The following PTPRJ variants were observed in gnomAD, a reference collection of about 807,000 sequenced individuals.
PTPRJ encodes the protein protein tyrosine phosphatase receptor type J.
A neutral mutation model predicts 141.3 loss-of-function variants in PTPRJ; 129 were observed. That is an observed-to-expected ratio of 0.91 (90% CI 0.79 to 1.06). The LOEUF (loss-of-function observed/expected upper bound fraction) is 1.06, where lower values mean the gene tolerates loss of function less well. PTPRJ is among the 50% of genes least tolerant of loss of function. The probability of loss-of-function intolerance (pLI) is 0.00; values close to 1 mark genes in which losing one functional copy is unlikely to be tolerated. For synonymous variants in PTPRJ, 610 were observed against 640.5 expected (o/e 0.95, Z 0.72); for missense variants, 1,601 against 1,679.7 (o/e 0.95, Z 0.82).
chr11:48,161,153 C>T (rs1857762109), intron 22 of PTPRJ, among the ~76,000 whole-genome samples: 1 of 101,930 alleles, frequency 9.8e-6, no homozygotes, highest in Non-Finnish European at 1.8e-5. Flanking sequence ...TGCACTCTAG[C>T]CTGGGTGACA....
At chr11:48,022,967 G>A (rs1009200493) in intron 1 of PTPRJ, among the ~76,000 whole-genome samples, 2 of 152,098 alleles carry the variant, frequency 1.3e-5, no homozygotes, top group Non-Finnish European at 2.9e-5. Flanking sequence ...CAAGTCACAC[G>A]GTGCAGGATG....
chr11:48,118,420 C>G (rs1423144889), intron 3 of PTPRJ, among the ~76,000 whole-genome samples: 1 of 152,172 alleles, frequency 6.6e-6, no homozygotes, highest in Non-Finnish European at 1.5e-5. Context: ...GACAGTTCTT[C>G]TCAATTGCTT....
At chr11:48,042,714 A>G (rs1204934259) in intron 1 of PTPRJ, among the ~76,000 whole-genome samples, 3 of 151,692 alleles carry the variant, frequency 2.0e-5, no homozygotes, top group African/African-American at 7.3e-5. Context: ...GGATAAATCT[A>G]TGGCCCTGGG....
chr11:48,107,660 G>T (rs572415764), intron 1 of PTPRJ, among the ~76,000 whole-genome samples: 2 of 152,334 alleles, frequency 1.3e-5, no homozygotes, highest in East Asian at 3.9e-4. Flanking sequence ...ATGTAAGGGA[G>T]AGTGGTTGAG....
At chr11:47,994,426 A>G (rs938506045) in intron 1 of PTPRJ, among the ~76,000 whole-genome samples, 1 of 152,056 alleles carries the variant, frequency 6.6e-6, no homozygotes, top group South Asian at 2.1e-4. Context: ...AGGCCAAGGC[A>G]GGCGGATTGC....
At position 48,121,249 on chromosome 11, in the gene PTPRJ, T is replaced by G. The variant is rs1287264982; in HGVS notation, c.599T>G (p.Val200Gly). 6.2e-7 allele frequency: 1 copy of G among 1,613,990 alleles called. No homozygotes were observed. The part of the protein sequence containing the change: ...IGNETWGDPR[V>G]IKVITEPIPV... ...AATGAGACTTGGGGAGATCCCAGAGTCATAAAAGTCATCACAGGTAAGATG... is the reference window on the plus strand; with the variant it reads ...AATGAGACTTGGGGAGATCCCAGAGGCATAAAAGTCATCACAGGTAAGATG... Residue 200 changes from valine (V) to glycine (G), a missense_variant, in exon 4 of 25, where the codon GTC (valine) becomes GGC (glycine). Val to Gly is a moderately radical substitution (Grantham distance 109). Transcript: ENST00000418331.
At chr11:48,008,788 C>T (rs1013990233) in intron 1 of PTPRJ, among the ~76,000 whole-genome samples, 1 of 151,758 alleles carries the variant, frequency 6.6e-6, no homozygotes, top group African/African-American at 2.4e-5. Context: ...TGATCTAGAA[C>T]TCCTGATCTC....
intron 1 of PTPRJ, among the ~76,000 whole-genome samples, chr11:48,068,451 A>G (rs372573199): frequency 6.6e-6 from 1 of 152,310 alleles, no homozygotes; most frequent in East Asian, 1.9e-4. Flanking sequence ...GTTCCCCTGC[A>G]CAAGCCCTCT....
intron 1 of PTPRJ, among the ~76,000 whole-genome samples, chr11:48,003,875 G>A (rs1038803666): frequency 2.6e-5 from 4 of 152,112 alleles, no homozygotes; most frequent in Non-Finnish European, 5.9e-5. Flanking sequence ...CTTTTTGTCC[G>A]TGTGTGAGAC....
chr11:48,045,050 G>T (rs774466604), intron 1 of PTPRJ, among the ~76,000 whole-genome samples: 17 of 152,204 alleles, frequency 1.1e-4, no homozygotes, highest in Non-Finnish European at 2.4e-4. Context: ...GCACCTTTGG[G>T]GTACCCATTC....
At chr11:48,102,512 G>A (rs1255386613) in intron 1 of PTPRJ, among the ~76,000 whole-genome samples, 2 of 151,856 alleles carry the variant, frequency 1.3e-5, no homozygotes, top group Non-Finnish European at 2.9e-5. Context: ...AGGTTCAAGC[G>A]ATTCTCCTGC....
chr11:48,095,204 G>A (rs766134376), intron 1 of PTPRJ, among the ~76,000 whole-genome samples: 1 of 152,174 alleles, frequency 6.6e-6, no homozygotes, highest in Non-Finnish European at 1.5e-5. Context: ...TCTCAGCAGC[G>A]TGCCCTCAGA....
At chr11:48,148,164 G>A (rs1040849969) in intron 15 of PTPRJ, among the ~76,000 whole-genome samples, 11 of 152,168 alleles carry the variant, frequency 7.2e-5, no homozygotes, top group African/African-American at 2.2e-4. Context: ...TCTGATTTTG[G>A]GGGGGGAAAT....
chr11:48,099,143 T>G (rs149262464), intron 1 of PTPRJ, among the ~76,000 whole-genome samples: 119 of 152,294 alleles, frequency 7.8e-4, no homozygotes, highest in African/African-American at 2.8e-3. Context: ...GACCACATGG[T>G]CCCTGCTCTG....
At chr11:48,115,983 A>G (rs1856555781) in intron 3 of PTPRJ, among the ~76,000 whole-genome samples, 1 of 152,226 alleles carries the variant, frequency 6.6e-6, no homozygotes, top group Admixed American at 6.5e-5. Context: ...ATATCACTTA[A>G]CCTCAAAGGA....
chr11:48,168,396 GTA>G lies in PTPRJ; in HGVS notation c.*1036_*1037del, dbSNP rs1857969004. On this transcript the variant is annotated 3_prime_UTR_variant, in exon 25 of 25. Coordinates refer to ENST00000418331, the MANE Select transcript of PTPRJ (RefSeq NM_002843.4). ...GTTGGCATTTTATGTGTCTGTGTCT[GTA>G]TGTGTGTGTGTATGTTCAGAAGCGT... 2 of 151,300 alleles carry G rather than the reference GTA, an allele frequency of 1.3e-5. No homozygotes were observed. The highest frequency in any genetic ancestry group is 6.6e-5 in the Admixed American group (1 of 15,148). 9.4% of individuals were successfully genotyped at this position (151,300 alleles called of 1,614,324 possible). A position where few individuals can be genotyped will look rare whatever the true frequency, so the allele number is the denominator to read the frequency against.
intron 1 of PTPRJ, among the ~76,000 whole-genome samples, chr11:48,010,217 G>A (rs1445297338): frequency 1.3e-5 from 2 of 151,830 alleles, no homozygotes; most frequent in African/African-American, 4.8e-5. Flanking sequence ...TAGCTCTGTC[G>A]CCCAGGCTGG....
intron 1 of PTPRJ, among the ~76,000 whole-genome samples, chr11:48,048,716 C>A (rs1483613172): frequency 6.6e-6 from 1 of 152,190 alleles, no homozygotes; most frequent in Non-Finnish European, 1.5e-5. Flanking sequence ...ATCTCCTGAA[C>A]CTGGGAGGCA....
intron 22 of PTPRJ, 82 bp from the exon 23 acceptor site, chr11:48,163,376 G>A: frequency 7.3e-7 from 1 of 1,369,418 alleles, no homozygotes; most frequent in Non-Finnish European, 1.0e-6. Flanking sequence ...TTAGTACTCA[G>A]GCTCTGCTTG....
Sources: allele counts gnomAD v4.1 joint callset (sites outside exome capture counted in the v4.1 genomes callset), GRCh38; gene constraint gnomAD v4.1.1; transcripts MANE v1.5; gene names NCBI Gene and HGNC (gene_info 2026-07-23, HGNC 2026-07-21).